LMBR1: variants seen among roughly 807,000 people sequenced by gnomAD.
The protein encoded by LMBR1 is limb region 1 protein homolog.
In LMBR1, 52 loss-of-function variants were observed where a neutral mutation model predicts 73.9. The ratio of observed to expected loss-of-function variants is 0.70; its 90% CI spans 0.56 to 0.89. LMBR1 has a LOEUF of 0.89. Ranked by LOEUF, LMBR1 falls within the 40% of genes least tolerant of loss-of-function variation. The pLI, the probability that LMBR1 is intolerant of heterozygous loss-of-function variation, is 0.00. For synonymous variants in LMBR1, 215 were observed against 209.4 expected (o/e 1.03, Z -0.23); for missense variants, 539 against 579.8 (o/e 0.93, Z 0.72).
intron 2 of LMBR1, among the ~76,000 whole-genome samples, chr7:156,835,953 T>G (rs573107983): frequency 6.6e-6 from 1 of 152,194 alleles, no homozygotes; most frequent in South Asian, 2.1e-4. Context: ...CATGAAACCA[T>G]GCCAATGAAT....
chr7:156,757,457 A>T (rs1206123733), intron 8 of LMBR1, among the ~76,000 whole-genome samples: 1 of 152,244 alleles, frequency 6.6e-6, no homozygotes, highest in Non-Finnish European at 1.5e-5. Flanking sequence ...AGAAAAAACC[A>T]TACTAATAAT....
At chr7:156,733,005 T>C (rs781459347) in intron 10 of LMBR1, among the ~76,000 whole-genome samples, 1 of 152,112 alleles carries the variant, frequency 6.6e-6, no homozygotes, top group African/African-American at 2.4e-5. Flanking sequence ...ATTAGCAAGC[T>C]GTGGTGGCAT....
intron 5 of LMBR1, among the ~76,000 whole-genome samples, chr7:156,778,246 G>A (rs76606327): frequency 0.032 from 4,828 of 152,172 alleles, 123 homozygotes; most frequent in South Asian, 0.084. Context: ...TCTAGTTATC[G>A]ATCTACATTA....
chr7:156,786,053 G>A (rs982313715), intron 5 of LMBR1, among the ~76,000 whole-genome samples: 2 of 151,966 alleles, frequency 1.3e-5, no homozygotes, highest in Non-Finnish European at 2.9e-5. Flanking sequence ...AAATAAATGG[G>A]ATCAAATCTA....
At chr7:156,714,200 G>A (rs991568726) in intron 15 of LMBR1, among the ~76,000 whole-genome samples, 1 of 152,196 alleles carries the variant, frequency 6.6e-6, no homozygotes, top group Non-Finnish European at 1.5e-5. Flanking sequence ...GGAGCGTAGA[G>A]CTTTATGGAG....
At position 156,682,323 on chromosome 7, in the gene LMBR1, A is replaced by C. The variant is rs1226393873; in HGVS notation, c.*1755T>G. 6.6e-6 allele frequency: 1 copy of C among 152,208 alleles called. No homozygotes were observed. Among genetic ancestry groups the C allele is most frequent in the Non-Finnish European group, 1.5e-5 (1 of 68,046 alleles). The allele number at this position is 152,208 out of a possible 1,614,324, so 9.4% of individuals were successfully genotyped here. ...GAGAAGTGATATTACTCTACTCCTG[A>C]GTTTCTTTCTGTTCTTCCCTTCACT... On this transcript the variant is annotated 3_prime_UTR_variant, in exon 17 of 17. Transcript: ENST00000353442.
intron 15 of LMBR1, among the ~76,000 whole-genome samples, chr7:156,699,709 G>GAAAA: frequency 6.6e-6 from 1 of 151,714 alleles, no homozygotes; most frequent in Non-Finnish European, 1.5e-5. Flanking sequence ...AAATTTACAA[G>GAAAA]AAAAAAACAA....
chr7:156,727,187 A>G (rs1478802504), intron 12 of LMBR1, among the ~76,000 whole-genome samples: 2 of 152,230 alleles, frequency 1.3e-5, no homozygotes, highest in Non-Finnish European at 2.9e-5. Flanking sequence ...ATTGATCAAC[A>G]GAGATAATAC....
intron 15 of LMBR1, among the ~76,000 whole-genome samples, chr7:156,719,304 C>T (rs1202848079): frequency 6.6e-6 from 1 of 152,068 alleles, no homozygotes; most frequent in African/African-American, 2.4e-5. Flanking sequence ...CTACAAAGGA[C>T]ATGAACTCAT....
chr7:156,848,236 C>T (rs1257797669), intron 1 of LMBR1, among the ~76,000 whole-genome samples: 2 of 152,202 alleles, frequency 1.3e-5, no homozygotes, highest in Non-Finnish European at 2.9e-5. Flanking sequence ...AAATGGGAAT[C>T]TAATTAAACT....
chr7:156,866,997 G>A (rs1428712046), intron 1 of LMBR1, among the ~76,000 whole-genome samples: 3 of 152,136 alleles, frequency 2.0e-5, no homozygotes, highest in Non-Finnish European at 4.4e-5. Context: ...CTTTGTTTGG[G>A]TCGGATGTAA....
At chr7:156,854,450 TA>T (rs1796670728) in intron 1 of LMBR1, among the ~76,000 whole-genome samples, 1 of 151,910 alleles carries the variant, frequency 6.6e-6, no homozygotes, top group African/African-American at 2.4e-5. Context: ...AAAATAATAA[TA>T]AAAAAATAAA....
chr7:156,869,119 C>A (rs1798900118), intron 1 of LMBR1, among the ~76,000 whole-genome samples: 1 of 152,076 alleles, frequency 6.6e-6, no homozygotes, highest in Non-Finnish European at 1.5e-5. Flanking sequence ...TAAAACATTT[C>A]TAAGGGCTTT....
rs1248367509 is a variant in LMBR1, at chr7:156,838,912, T to C, written c.67-2027A>G. 3.9e-5 allele frequency among the ~76,000 whole-genome samples: 6 copies of C among 152,332 alleles called. No homozygotes were observed. The East Asian group carries it at 1.2e-3, about 29-fold the overall frequency. ...TTTGTGTTTTTGATTACAGCCACCC[T>C]AACAGATGTGAGGTGATAGGTCATG... On this transcript the variant is annotated intron_variant, in intron 1 of 16. Transcript: ENST00000353442.
intron 3 of LMBR1, 53 bp downstream of exon 3, chr7:156,833,700 G>A (rs769554549): frequency 1.3e-5 from 17 of 1,335,814 alleles, no homozygotes; most frequent in Admixed American, 7.3e-5. Context: ...TGGATTTTGA[G>A]AATTGATGAC....
intron 10 of LMBR1, chr7:156,733,961 GAA>G (rs1228811337): frequency 5.6e-6 from 2 of 360,254 alleles, no homozygotes; most frequent in South Asian, 9.3e-5. Context: ...GTGAACCTTT[GAA>G]AAGTCATTTT....
At chr7:156,703,298 A>G (rs1810201358) in intron 15 of LMBR1, among the ~76,000 whole-genome samples, 1 of 152,182 alleles carries the variant, frequency 6.6e-6, no homozygotes, top group African/African-American at 2.4e-5. Context: ...GAGTAGGGGA[A>G]GAACTCCTGC....
chr7:156,885,110 C>G (rs10434916), intron 1 of LMBR1, among the ~76,000 whole-genome samples: 148,343 of 152,340 alleles, frequency 0.97, 72,250 homozygotes, highest in East Asian at 1. Context: ...CAGCACTTTG[C>G]GAGGCCGAGG....
intron 1 of LMBR1, among the ~76,000 whole-genome samples, chr7:156,860,689 TAGACAC>T (rs753086344): frequency 6.6e-6 from 1 of 152,250 alleles, no homozygotes; most frequent in Non-Finnish European, 1.5e-5. Flanking sequence ...AGTTTCTTCC[TAGACAC>T]AATGAGGGTA....
Sources: gnomAD v4.1 joint callset for allele counts (sites outside exome capture counted in the v4.1 genomes callset) on GRCh38, gnomAD v4.1.1 for gene constraint, MANE v1.5 for transcripts, NCBI Gene and HGNC (gene_info 2026-07-23, HGNC 2026-07-21) for gene names.